The following KIF13B variants were observed in gnomAD, a reference collection of about 807,000 sequenced individuals.
The protein encoded by KIF13B is kinesin family member 13B.
KIF13B carries 127 observed loss-of-function variants against 222.0 expected under a neutral mutation model. The ratio of observed to expected loss-of-function variants is 0.57; its 90% CI spans 0.50 to 0.66. The LOEUF (loss-of-function observed/expected upper bound fraction) is 0.66, where lower values mean the gene tolerates loss of function less well. KIF13B is among the 30% of genes least tolerant of loss of function. The pLI, the probability that KIF13B is intolerant of heterozygous loss-of-function variation, is 0.00. For synonymous variants in KIF13B, 976 were observed against 919.0 expected (o/e 1.06, Z -1.12); for missense variants, 2,173 against 2,379.0 (o/e 0.91, Z 1.80).
chr8:29,086,455 A>C (rs1808052600), intron 37 of KIF13B, among the ~76,000 whole-genome samples: 1 of 152,192 alleles, frequency 6.6e-6, no homozygotes, highest in Non-Finnish European at 1.5e-5. Flanking sequence ...AAGGAGTTCA[A>C]GGCGGCAGTA....
chr8:29,167,847 C>T (rs1009185646), intron 10 of KIF13B, among the ~76,000 whole-genome samples: 1 of 152,142 alleles, frequency 6.6e-6, no homozygotes, highest in Non-Finnish European at 1.5e-5. Context: ...CGGTTTAACA[C>T]AAATTAATTC....
intron 22 of KIF13B, among the ~76,000 whole-genome samples, chr8:29,133,558 T>A (rs1284829040): frequency 6.6e-6 from 1 of 152,174 alleles, no homozygotes; most frequent in East Asian, 1.9e-4. Context: ...GCCACTGCAC[T>A]CCAGCCTGGG....
At chr8:29,104,921 T>A (rs1808980353) in intron 35 of KIF13B, among the ~76,000 whole-genome samples, 1 of 151,310 alleles carries the variant, frequency 6.6e-6, no homozygotes, top group Admixed American at 6.6e-5. Flanking sequence ...ATTTTCTGTA[T>A]TTTTAGTAGA....
intron 2 of KIF13B, among the ~76,000 whole-genome samples, chr8:29,215,279 G>C (rs1284230392): frequency 6.6e-6 from 1 of 152,074 alleles, no homozygotes; most frequent in Admixed American, 6.6e-5. Flanking sequence ...AGCAAAATAT[G>C]GCAAATTTGG....
intron 4 of KIF13B, chr8:29,190,344 T>C (rs1358195889): frequency 1.3e-5 from 2 of 152,306 alleles, no homozygotes; most frequent in Non-Finnish European, 2.9e-5. Flanking sequence ...GAAGCCTCCA[T>C]AAAAACCTAA....
intron 2 of KIF13B, among the ~76,000 whole-genome samples, chr8:29,227,492 G>T (rs959375764): frequency 6.6e-6 from 1 of 152,144 alleles, no homozygotes; most frequent in African/African-American, 2.4e-5. Context: ...GTTTCACCAT[G>T]TTGGACAGGC....
intron 18 of KIF13B, among the ~76,000 whole-genome samples, chr8:29,144,978 T>G (rs1488980774): frequency 1.3e-5 from 2 of 152,140 alleles, no homozygotes; most frequent in Non-Finnish European, 2.9e-5. Flanking sequence ...TCATGCTTAC[T>G]GGGGAAAAAT....
In KIF13B at chr8:29,123,379, C is replaced by A. The variant is rs1467969961; in HGVS notation, c.3466G>T (p.Ala1156Ser). Residue 1156 changes from alanine to serine, a missense_variant, in exon 28 of 40, where the codon GCC becomes TCC. By Grantham distance (99) the Ala-to-Ser change is moderately conservative. This residue lies in a region of KIF13B where 1,480 missense variants were observed against 1,722.8 expected (regional missense o/e 0.86). Coordinates refer to ENST00000524189, the MANE Select transcript of KIF13B (RefSeq NM_015254.4). Reference sequence around the variant, plus strand: ...CAGGGTTCATACCATTCTGCTGGGGCCCCTGGAATACCACTGCCAGCAGAG... The same window carrying A: ...CAGGGTTCATACCATTCTGCTGGGGACCCTGGAATACCACTGCCAGCAGAG... ...VPSAGSGIPG[A>S]PAEWTPVPGM... is the part of the protein sequence containing the mutation. 6.2e-7 allele frequency: 1 copy of A among 1,613,886 alleles called. No individual in the cohort carries two copies. Among genetic ancestry groups the A allele is most frequent in the Non-Finnish European group, 8.5e-7 (1 of 1,179,908 alleles).
chr8:29,117,556 C>T (rs936922), intron 30 of KIF13B, among the ~76,000 whole-genome samples: 18,068 of 152,184 alleles, frequency 0.12, 1,225 homozygotes, highest in South Asian at 0.15. Context: ...AGCTCCTTGG[C>T]CCTTCCTTGT....
chr8:29,124,864 C>T (rs1020208710), intron 26 of KIF13B, among the ~76,000 whole-genome samples: 7 of 135,480 alleles, frequency 5.2e-5, no homozygotes, highest in Non-Finnish European at 9.4e-5. Flanking sequence ...GCCTGGGCAA[C>T]AAGAACAAAA....
At chr8:29,119,021 T>C in intron 29 of KIF13B, 29 bp from the exon 30 acceptor site, 1 of 1,604,184 alleles carries the variant, frequency 6.2e-7, no homozygotes, top group Non-Finnish European at 8.5e-7. Context: ...CATTAAATAC[T>C]GAGATCATTT....
intron 10 of KIF13B, among the ~76,000 whole-genome samples, chr8:29,171,717 GT>G (rs1193402732): frequency 6.8e-6 from 1 of 147,740 alleles, no homozygotes; most frequent in African/African-American, 2.5e-5. Flanking sequence ...CTTCTGTGAA[GT>G]CCAAATGACG....
intron 10 of KIF13B, among the ~76,000 whole-genome samples, chr8:29,170,649 A>C (rs1191972615): frequency 6.6e-6 from 1 of 152,222 alleles, no homozygotes; most frequent in Non-Finnish European, 1.5e-5. Flanking sequence ...GTGGAACAAG[A>C]GTAAAGTCCT....
intron 37 of KIF13B, among the ~76,000 whole-genome samples, chr8:29,079,617 G>A (rs1166388702): frequency 1.3e-5 from 2 of 152,188 alleles, no homozygotes; most frequent in Non-Finnish European, 2.9e-5. Context: ...CATCGGGGAG[G>A]TAAAGGGGAA....
Position 29,084,303 on chromosome 8 carries a change from G to A in KIF13B, c.4458+8442C>T, listed in dbSNP as rs1004461436. On this transcript the variant is annotated intron_variant, in intron 37 of 39. Transcript: ENST00000524189. ...ATAATTCATTTAATCAAAGAAGTAT[G>A]TTAGCTCAAAACATCATCCTTGTGT... 4.6e-5 allele frequency among the ~76,000 whole-genome samples: 7 copies of A among 152,324 alleles called. No homozygotes were observed. The South Asian group carries it at 1.2e-3, about 27-fold the overall frequency.
chr8:29,167,819 T>A (rs1443687422), intron 10 of KIF13B, among the ~76,000 whole-genome samples: 3 of 152,226 alleles, frequency 2.0e-5, no homozygotes, highest in African/African-American at 7.2e-5. Flanking sequence ...GGAAATGTCA[T>A]GAAACCTACC....
At chr8:29,246,047 T>A (rs1182611570) in intron 1 of KIF13B, among the ~76,000 whole-genome samples, 2 of 152,184 alleles carry the variant, frequency 1.3e-5, no homozygotes, top group East Asian at 3.8e-4. Flanking sequence ...GATATCCCAA[T>A]TACTCTGATT....
At chr8:29,223,331 C>CAA (rs369280304) in intron 2 of KIF13B, among the ~76,000 whole-genome samples, 31,480 of 102,488 alleles carry the variant, frequency 0.31, 6,749 homozygotes, top group Non-Finnish European at 0.4. Context: ...GACCCTGTCT[C>CAA]AAAAAAAAAA....
intron 28 of KIF13B, 151 bp downstream of exon 28, chr8:29,123,215 T>C (rs1809954108): frequency 2.3e-6 from 2 of 887,024 alleles, no homozygotes; most frequent in Non-Finnish European, 1.6e-6. Context: ...ATTCAACTCA[T>C]GAAAATAATT....
Sources: gnomAD v4.1 joint callset for allele counts (sites outside exome capture counted in the v4.1 genomes callset) on GRCh38, gnomAD v4.1.1 for gene constraint, gnomAD v4.1.1 regional missense constraint, MANE v1.5 for transcripts, NCBI Gene and HGNC (gene_info 2026-07-23, HGNC 2026-07-21) for gene names.